Variants in VPS8 observed in about 807,000 individuals in gnomAD.
VPS8 encodes vacuolar protein sorting-associated protein 8 homolog.
In VPS8, 129 loss-of-function variants were observed where a neutral mutation model predicts 216.4. That is an observed-to-expected ratio of 0.60 (90% CI 0.52 to 0.69). The LOEUF is 0.69. Ranked by LOEUF, VPS8 falls within the 30% of genes least tolerant of loss-of-function variation. The pLI, the probability that VPS8 is intolerant of heterozygous loss-of-function variation, is 0.00. For synonymous variants in VPS8, 571 were observed against 565.4 expected, an observed-to-expected ratio of 1.01 and a Z score of -0.14; for missense variants, 1,531 against 1,683.5, an observed-to-expected ratio of 0.91 and a Z score of 1.59.
intron 46 of VPS8, among the ~76,000 whole-genome samples, chr3:185,028,988 G>C (rs202048348): frequency 6.6e-6 from 1 of 152,184 alleles, no homozygotes; most frequent in African/African-American, 2.4e-5. Flanking sequence ...CTGATGACTA[G>C]AGGAAAAATA....
intron 21 of VPS8, 65 bp downstream of exon 21, chr3:184,870,870 T>G (rs540695028): frequency 7.4e-7 from 1 of 1,355,932 alleles, no homozygotes; most frequent in East Asian, 2.5e-5. Context: ...TCTTTTATGT[T>G]ACTTGAGAAT....
chr3:185,012,957 A>ACAGG lies in VPS8; in HGVS notation c.4003-11379_4003-11378insCAGG, dbSNP rs1464337547. Among the ~76,000 whole-genome samples, 116 of 149,348 alleles carry ACAGG rather than the reference A, an allele frequency of 7.8e-4. 1 individual carries two copies. Among genetic ancestry groups the ACAGG allele is most frequent in the African/African-American group, 2.9e-3 (113 of 38,812 alleles). ...TGTTTCTATAGATTATAGATTAGCT[A>ACAGG]AAAGCATTTCCTACGGGAAATAACT... is the stretch of plus-strand genomic sequence containing the variant. On this transcript the variant is annotated intron_variant, in intron 45 of 47. Transcript: ENST00000625842.
chr3:184,843,255 G>T lies in VPS8; in HGVS notation c.541+10G>T. ...GATTCAAAAGGAAAAGGTATAGTAA[G>T]TAATTTTAGTTTGCATGAATGGTTT... On this transcript the variant is annotated intron_variant, in intron 8 of 47. Coordinates refer to ENST00000625842, the MANE Select transcript of VPS8 (RefSeq NM_001009921.3). 1 of 1,399,734 alleles carries T rather than the reference G, an allele frequency of 7.1e-7. No homozygotes were observed. The highest frequency in any genetic ancestry group is 1.4e-5 in the African/African-American group (1 of 69,638). 86.7% of individuals were successfully genotyped at this position (1,399,734 alleles called of 1,614,324 possible). A position where few individuals can be genotyped will look rare whatever the true frequency, so the allele number is the denominator to read the frequency against.
chr3:184,949,487 A>G (rs980020416), intron 36 of VPS8, among the ~76,000 whole-genome samples: 4 of 151,810 alleles, frequency 2.6e-5, no homozygotes, highest in African/African-American at 9.7e-5. Context: ...TTAAAAGTTT[A>G]TGAGGGATTG....
chr3:184,812,724 C>G (rs1357383329), intron 1 of VPS8: 1 of 152,266 alleles, frequency 6.6e-6, no homozygotes, highest in Admixed American at 6.5e-5. Context: ...GACTGGCGCG[C>G]CCGCTCCCCC....
chr3:184,900,731 A>G (rs980455075), intron 24 of VPS8, among the ~76,000 whole-genome samples, 190 bp from the exon 25 acceptor site: 1 of 152,210 alleles, frequency 6.6e-6, no homozygotes, highest in Non-Finnish European at 1.5e-5. Context: ...GGTGAGGAAT[A>G]TGACAACAGT....
rs1397444594 is a variant in VPS8 at position 184,834,935 on chromosome 3, G to A, written c.447+193G>A. 16 of 461,878 alleles carry A rather than the reference G, an allele frequency of 3.5e-5. No homozygotes were observed. The Admixed American group carries it at 6.2e-4, about 18-fold the overall frequency. 28.6% of individuals were successfully genotyped at this position (461,878 alleles called of 1,614,324 possible). A position where few individuals can be genotyped will look rare whatever the true frequency, so the allele number is the denominator to read the frequency against. ...ACACGTCTTGACAGAAATTAGTGCAGCCATGAAAATAAAGTTCTGCTCAGA... is the reference window on the plus strand; with the variant it reads ...ACACGTCTTGACAGAAATTAGTGCAACCATGAAAATAAAGTTCTGCTCAGA... On this transcript the variant is annotated intron_variant, in intron 5 of 47. Coordinates refer to ENST00000625842, the MANE Select transcript of VPS8 (RefSeq NM_001009921.3).
chr3:184,972,106 GA>G (rs1748521973), intron 40 of VPS8, among the ~76,000 whole-genome samples: 2 of 150,134 alleles, frequency 1.3e-5, no homozygotes, highest in South Asian at 2.1e-4. Flanking sequence ...GTACTTGTCT[GA>G]AACTAGGAAT....
intron 40 of VPS8, among the ~76,000 whole-genome samples, chr3:184,972,766 G>A (rs754881318): frequency 6.6e-4 from 101 of 152,306 alleles, no homozygotes; most frequent in Non-Finnish European, 1.3e-3. Flanking sequence ...AACTAAGGGG[G>A]CGAGATGTGA....
At chr3:185,021,616 C>G (rs1362659614) in intron 45 of VPS8, among the ~76,000 whole-genome samples, 1 of 152,146 alleles carries the variant, frequency 6.6e-6, no homozygotes, top group Non-Finnish European at 1.5e-5. Context: ...GTATTAATGT[C>G]ATGGTATGTT....
chr3:184,976,831 A>G (rs948111137), intron 40 of VPS8, among the ~76,000 whole-genome samples: 1 of 152,150 alleles, frequency 6.6e-6, no homozygotes. Flanking sequence ...TCCATGGTGT[A>G]TATGTAACAC....
intron 40 of VPS8, among the ~76,000 whole-genome samples, chr3:184,977,125 C>T (rs187595656): frequency 1.3e-4 from 20 of 151,984 alleles, no homozygotes; most frequent in Admixed American, 2.0e-4. Flanking sequence ...TGTGAATGTC[C>T]GCTATTTTTT....
At chr3:185,034,193 C>T (rs1758558987) in intron 46 of VPS8, among the ~76,000 whole-genome samples, 1 of 152,142 alleles carries the variant, frequency 6.6e-6, no homozygotes, top group Non-Finnish European at 1.5e-5. Context: ...GCCACTAGCT[C>T]ATCTGTGTTA....
intron 15 of VPS8, among the ~76,000 whole-genome samples, chr3:184,861,486 T>A (rs1374830607): frequency 1.3e-5 from 2 of 152,234 alleles, no homozygotes; most frequent in African/African-American, 4.8e-5. Context: ...AATTCTTTCT[T>A]CCATACACAT....
At chr3:185,005,872 G>A (rs926769243) in intron 45 of VPS8, among the ~76,000 whole-genome samples, 12 of 152,118 alleles carry the variant, frequency 7.9e-5, no homozygotes, top group African/African-American at 2.4e-4. Context: ...CCTTTTTACC[G>A]ATTGGGTGTC....
intron 42 of VPS8, among the ~76,000 whole-genome samples, chr3:184,983,606 A>G (rs1387964511): frequency 2.6e-5 from 4 of 152,164 alleles, no homozygotes; most frequent in Non-Finnish European, 5.9e-5. Flanking sequence ...GCTTCTTTCA[A>G]CAAAAAAGCC....
intron 16 of VPS8, 70 bp from the exon 17 acceptor site, chr3:184,866,806 G>A: frequency 1.4e-6 from 2 of 1,439,632 alleles, no homozygotes; most frequent in Middle Eastern, 1.8e-4. Context: ...TAATAGTGAT[G>A]AAATGTTAAA....
rs567009091 is a variant in VPS8 at position 184,956,772 on chromosome 3, G to T, written c.3036-602G>T. Among the ~76,000 whole-genome samples the T allele has an allele frequency of 6.6e-5, 10 of 152,244 alleles. No individual in the cohort carries two copies. The East Asian group carries it at 1.7e-3, about 26-fold the overall frequency. ...TGAGTAGCTGGTGTACTAGGCAAATGAACCCATAAATATTGTGTATTTTAG... is the reference window on the plus strand; with the variant it reads ...TGAGTAGCTGGTGTACTAGGCAAATTAACCCATAAATATTGTGTATTTTAG... On this transcript the variant is annotated intron_variant, in intron 36 of 47. Coordinates refer to ENST00000625842, the MANE Select transcript of VPS8 (RefSeq NM_001009921.3).
rs1223161580 is a variant in VPS8 at position 184,848,942 on chromosome 3, A to G, written c.542-129A>G. The G allele has an allele frequency of 5.2e-6, 5 of 968,356 alleles. No individual in the cohort carries two copies. The South Asian group carries it at 6.0e-5, about 12-fold the overall frequency. The allele number at this position is 968,356 out of a possible 1,614,324, so 60.0% of individuals were successfully genotyped here. A position where few individuals can be genotyped will look rare whatever the true frequency, so the allele number is the denominator to read the frequency against. On this transcript the variant is annotated intron_variant, in intron 8 of 47. Transcript: ENST00000625842. ...AGTTGCTCAATAAATATATTTAAAAATGAATGTGACTTCATTATCTGCTGC... is the reference window on the plus strand; with the variant it reads ...AGTTGCTCAATAAATATATTTAAAAGTGAATGTGACTTCATTATCTGCTGC...
Sources: allele counts gnomAD v4.1 joint callset (sites outside exome capture counted in the v4.1 genomes callset), GRCh38; gene constraint gnomAD v4.1.1; transcripts MANE v1.5; gene names NCBI Gene and HGNC (gene_info 2026-07-23, HGNC 2026-07-21).